The following LOX variants were observed in gnomAD, a reference collection of about 807,000 sequenced individuals.
LOX encodes the protein lysyl oxidase.
A neutral mutation model predicts 50.5 loss-of-function variants in LOX; 12 were observed. The ratio of observed to expected loss-of-function variants is 0.24; its 90% CI spans 0.15 to 0.38. The LOEUF is 0.38. LOX is among the 10% of genes least tolerant of loss of function. The pLI is 1.00. For synonymous variants in LOX, 254 were observed against 230.6 expected (o/e 1.10, Z -0.92); for missense variants, 504 against 563.8 (o/e 0.89, Z 1.07).
At chr5:122,068,018 T>G (rs1336237368) in intron 6 of LOX, among the ~76,000 whole-genome samples, 5 of 152,060 alleles carry the variant, frequency 3.3e-5, no homozygotes, top group Non-Finnish European at 5.9e-5. Context: ...TCAAATATTC[T>G]ATACTTTCCC....
rs1006312357 is a variant in LOX at position 122,071,390 on chromosome 5, T to C, written c.1036-801A>G. Among the ~76,000 whole-genome samples, 7 of 152,284 alleles carry C rather than the reference T, an allele frequency of 4.6e-5. No homozygotes were observed. The East Asian group carries it at 1.2e-3, about 25-fold the overall frequency. ...AAGGTCCAGAGTCCCTGTTCTTAAC[T>C]ACCCCACTATACTCTCTCTCATACA... On this transcript the variant is annotated intron_variant, in intron 4 of 6. Coordinates refer to ENST00000231004, the MANE Select transcript of LOX (RefSeq NM_002317.7).
intron 6 of LOX, among the ~76,000 whole-genome samples, chr5:122,067,459 C>A (rs913365315): frequency 2.6e-5 from 4 of 152,074 alleles, no homozygotes; most frequent in Admixed American, 2.0e-4. Flanking sequence ...TACACATCAA[C>A]AGAATGCTCT....
rs566689604 is a variant in LOX at position 122,076,961 on chromosome 5, C to T, written c.672G>A (p.Ala224=). 3.1e-6 allele frequency: 5 copies of T among 1,613,824 alleles called. No individual in the cohort carries two copies. The highest frequency in any genetic ancestry group is 4.2e-6 in the Non-Finnish European group (5 of 1,179,968). The change falls in exon 2 of 7, where the codon GCG becomes GCA. Residue 224 remains alanine (A), a synonymous_variant. Transcript: ENST00000231004. Reference sequence around the variant, plus strand: ...TGGACATCTTCTGCACGTACGTGGACGCCTGGATGTAGTAGGGGTCGGCCA... The same window carrying T: ...TGGACATCTTCTGCACGTACGTGGATGCCTGGATGTAGTAGGGGTCGGCCA... ...DLVADPYYIQ[A]STYVQKMSMY...
At chr5:122,073,981 T>C in intron 4 of LOX, 32 bp downstream of exon 4, 1 of 1,598,440 alleles carries the variant, frequency 6.3e-7, no homozygotes, top group Non-Finnish European at 8.6e-7. Context: ...TCTCTGAGGC[T>C]TGAGGTTCTG....
At position 122,074,113 on chromosome 5, in the gene LOX, T is replaced by C; in HGVS notation, c.935A>G (p.Gln312Arg). The C allele has an allele frequency of 6.2e-7, 1 of 1,614,090 alleles. No homozygotes were observed. Residue 312 changes from glutamine (Q) to arginine (R), a missense_variant, in exon 4 of 7, where the codon CAG (glutamine) becomes CGG (arginine). Transcript: ENST00000231004. ...TTTGTGGCCTTCAGCCACTCTCCTC[T>C]GGGTGTTGGCATCAAGCAGGTCATA... ...SHYDLLDANTQRRVAEGHKAS... is the reference protein window; with the variant it reads ...SHYDLLDANTRRRVAEGHKAS...
intron 5 of LOX, 25 bp from the exon 6 acceptor site, chr5:122,070,193 G>A (rs750151222): frequency 7.7e-6 from 10 of 1,298,380 alleles, no homozygotes; most frequent in Non-Finnish European, 1.1e-5. Context: ...GAGTTCCTCA[G>A]TATTTCTTTT....
rs1457590767 is a variant in LOX at position 122,077,752 on chromosome 5, A to C, written c.234T>G (p.Gly78=). 1 of 1,561,038 alleles carries C rather than the reference A, an allele frequency of 6.4e-7. No homozygotes were observed. Among genetic ancestry groups the C allele is most frequent in the East Asian group, 2.4e-5 (1 of 42,386 alleles). ...RRRDPGAAVP[G]AANASAQQPR... ...GCTGCTGGGCGGAGGCGTTGGCTGC[A>C]CCAGGGACGGCGGCGCCCGGGTCCC... Residue 78 remains glycine, a synonymous_variant, in exon 1 of 7, where the codon GGT becomes GGG. Transcript: ENST00000231004. This position sits in a 1 kb window ranked among gnomAD's most constrained non-coding sequence, Gnocchi z 4.9.
chr5:122,070,639 A>C (rs769622148), intron 4 of LOX, 50 bp from the exon 5 acceptor site: 1 of 920,728 alleles, frequency 1.1e-6, no homozygotes, highest in South Asian at 1.6e-5. Context: ...TGGTCAGACT[A>C]TGATAAATAA....
At position 122,078,039 on chromosome 5, in the gene LOX, A is replaced by G. The variant is rs968315121; in HGVS notation, c.-54T>C. 16 of 1,416,746 alleles carry G rather than the reference A, an allele frequency of 1.1e-5. No individual in the cohort carries two copies. The African/African-American group carries it at 2.3e-4, about 20-fold the overall frequency. 87.8% of individuals were successfully genotyped at this position (1,416,746 alleles called of 1,614,324 possible). On this transcript the variant is annotated 5_prime_UTR_variant, in exon 1 of 7. Transcript: ENST00000231004. ...GAGGAGGACGTGGCTCACAGAAAAT[A>G]AAAACGGGGCTCAAATCACGTGAGG...
In LOX at chr5:122,063,648, A is replaced by G. The variant is rs1315000243; in HGVS notation, c.*3095T>C. ...TATGAGTTCAAAAAAATATGTATATATAGAAAAAAGAGTACTTTTTAGTTA... is the reference window on the plus strand; with the variant it reads ...TATGAGTTCAAAAAAATATGTATATGTAGAAAAAAGAGTACTTTTTAGTTA... On this transcript the variant is annotated 3_prime_UTR_variant, in exon 7 of 7. Transcript: ENST00000231004. 1 of 151,908 alleles carries G rather than the reference A, an allele frequency of 6.6e-6. No homozygotes were observed. The highest frequency in any genetic ancestry group is 6.6e-5 in the Admixed American group (1 of 15,210). 9.4% of individuals were successfully genotyped at this position (151,908 alleles called of 1,614,324 possible). A position where few individuals can be genotyped will look rare whatever the true frequency, so the allele number is the denominator to read the frequency against.
Position 122,066,659 on chromosome 5 carries a change from A to G in LOX, c.*84T>C. 1 of 1,102,970 alleles carries G rather than the reference A, an allele frequency of 9.1e-7. No individual in the cohort carries two copies. Among genetic ancestry groups the G allele is most frequent in the Non-Finnish European group, 1.4e-6 (1 of 733,516 alleles). The allele number at this position is 1,102,970 out of a possible 1,614,324, so 68.3% of individuals were successfully genotyped here. ...TTTTCTGTTCTCTTTTTCAAAATACATAAATCCTACTGAAGTTAGTCTATT... is the reference window on the plus strand; with the variant it reads ...TTTTCTGTTCTCTTTTTCAAAATACGTAAATCCTACTGAAGTTAGTCTATT... On this transcript the variant is annotated 3_prime_UTR_variant, in exon 7 of 7. Coordinates refer to ENST00000231004, the MANE Select transcript of LOX (RefSeq NM_002317.7).
intron 4 of LOX, among the ~76,000 whole-genome samples, chr5:122,073,062 G>GA (rs1406892843): frequency 2.0e-5 from 3 of 152,096 alleles, no homozygotes; most frequent in African/African-American, 7.2e-5. Flanking sequence ...TAAGCTCAGA[G>GA]AAAAAAGCAA....
chr5:122,071,283 C>T (rs1561418027), intron 4 of LOX, among the ~76,000 whole-genome samples: 1 of 151,758 alleles, frequency 6.6e-6, no homozygotes, highest in East Asian at 1.9e-4. Flanking sequence ...GATGAGAAAA[C>T]TAAGGCACAC....
rs1419334174 is a variant in LOX at position 122,064,036 on chromosome 5, T to A, written c.*2707A>T. On this transcript the variant is annotated 3_prime_UTR_variant, in exon 7 of 7. Coordinates refer to ENST00000231004, the MANE Select transcript of LOX (RefSeq NM_002317.7). ...GACATCTTTAACCCAGACTGTGGTC[T>A]GAATCATCATGAGATCGCTAATATG... 6.6e-6 allele frequency: 1 copy of A among 151,948 alleles called. No individual in the cohort carries two copies. Among genetic ancestry groups the A allele is most frequent in the Non-Finnish European group, 1.5e-5 (1 of 67,876 alleles). The allele number at this position is 151,948 out of a possible 1,614,324, so 9.4% of individuals were successfully genotyped here. A position where few individuals can be genotyped will look rare whatever the true frequency, so the allele number is the denominator to read the frequency against.
rs372434500 is a variant in LOX at position 122,077,604 on chromosome 5, C to T, written c.382G>A (p.Gly128Ser). Reference protein sequence around the residue: ...RPTARHWFQAGYSTSRAREAG... With the variant: ...RPTARHWFQASYSTSRAREAG... The stretch of plus-strand genomic sequence containing the variant: ...TCGCGGGCTCTAGATGTCGAGTAGC[C>T]AGCTTGGAACCAGTGACGGGCGGTG... Residue 128 changes from glycine to serine, a missense_variant, in exon 1 of 7, where the codon GGC becomes AGC. Around this residue, in one of 2 missense-constraint regions of LOX, gnomAD observed 398 missense variants for 365.8 expected, o/e 1.09. Transcript: ENST00000231004. The surrounding 1 kb of genome is among the most constrained non-coding windows in gnomAD (Gnocchi z 4.9). 23 of 1,612,294 alleles carry T rather than the reference C, an allele frequency of 1.4e-5. No homozygotes were observed. Among genetic ancestry groups the T allele is most frequent in the Non-Finnish European group, 1.9e-5 (23 of 1,179,802 alleles).
At chr5:122,068,383 A>C (rs1428795261) in intron 6 of LOX, among the ~76,000 whole-genome samples, 2 of 152,134 alleles carry the variant, frequency 1.3e-5, no homozygotes, top group Admixed American at 1.3e-4. Context: ...GGAAGTCAGT[A>C]AGACATAGTT....
Position 122,077,640 on chromosome 5 carries a change from G to A in LOX, c.346C>T (p.Arg116Cys). 1 of 1,610,380 alleles carries A rather than the reference G, an allele frequency of 6.2e-7. No homozygotes were observed. The highest frequency in any genetic ancestry group is 8.5e-7 in the Non-Finnish European group (1 of 1,179,312). Residue 116 changes from arginine (R) to cysteine (C), a missense_variant, in exon 1 of 7, where the codon CGC becomes TGC. Physicochemically the swap from Arg to Cys is radical, Grantham distance 180 (BLOSUM62 -3). Coordinates refer to ENST00000231004, the MANE Select transcript of LOX (RefSeq NM_002317.7). This position sits in a 1 kb window ranked among gnomAD's most constrained non-coding sequence, Gnocchi z 4.9. ...TAGSSGVTAG[R>C]PRPTARHWFQ... Reference sequence around the variant, plus strand: ...CAGTGACGGGCGGTGGGCCTGGGGCGGCCAGCGGTGACTCCAGATGAGCCG... The same window carrying A: ...CAGTGACGGGCGGTGGGCCTGGGGCAGCCAGCGGTGACTCCAGATGAGCCG...
chr5:122,078,180 G>C lies in LOX; in HGVS notation c.-195C>G. ...CCAGTCAAGGCGGCTGCTCGGACGTGGCACCCTTCCCTTTCCCCTTTCTCA... is the reference window on the plus strand; with the variant it reads ...CCAGTCAAGGCGGCTGCTCGGACGTCGCACCCTTCCCTTTCCCCTTTCTCA... On this transcript the variant is annotated 5_prime_UTR_variant, in exon 1 of 7. Coordinates refer to ENST00000231004, the MANE Select transcript of LOX (RefSeq NM_002317.7). 2.1e-6 allele frequency: 1 copy of C among 477,778 alleles called. No individual in the cohort carries two copies. The highest frequency in any genetic ancestry group is 3.5e-6 in the Non-Finnish European group (1 of 285,742). The allele number at this position is 477,778 out of a possible 1,614,324, so 29.6% of individuals were successfully genotyped here.
chr5:122,070,592 A>G lies in LOX; in HGVS notation c.1036-3T>C. 2 of 1,524,204 alleles carry G rather than the reference A, an allele frequency of 1.3e-6. No individual in the cohort carries two copies. Among genetic ancestry groups the G allele is most frequent in the South Asian group, 2.3e-5 (2 of 85,124 alleles). 94.4% of individuals were successfully genotyped at this position (1,524,204 alleles called of 1,614,324 possible). On this transcript the variant is annotated splice_polypyrimidine_tract_variant and splice_region_variant and intron_variant, in intron 4 of 6. Coordinates refer to ENST00000231004, the MANE Select transcript of LOX (RefSeq NM_002317.7). Reference sequence around the variant, plus strand: ...TCATAACAGCCAGGACTCAATCCCTAAGATAAACAAAATAAAAAATTTAAA... The same window carrying G: ...TCATAACAGCCAGGACTCAATCCCTGAGATAAACAAAATAAAAAATTTAAA...
Sources: allele counts gnomAD v4.1 joint callset (sites outside exome capture counted in the v4.1 genomes callset), GRCh38; gene constraint gnomAD v4.1.1; regional missense constraint gnomAD v4.1.1; non-coding constraint Gnocchi (gnomAD v3.1); transcripts MANE v1.5; gene names NCBI Gene and HGNC (gene_info 2026-07-23, HGNC 2026-07-21).